ARHGAP24: variants seen among roughly 807,000 people sequenced by gnomAD.
The protein encoded by ARHGAP24 is rho GTPase-activating protein 24.
ARHGAP24 carries 50 observed loss-of-function variants against 76.4 expected under a neutral mutation model. The observed-to-expected ratio is 0.65, with a 90% CI of 0.52 to 0.83. ARHGAP24 has a LOEUF of 0.83. Ranked by LOEUF, ARHGAP24 falls within the 40% of genes least tolerant of loss-of-function variation. ARHGAP24 has a pLI of 0.00. For synonymous variants in ARHGAP24, 345 were observed against 323.3 expected, an observed-to-expected ratio of 1.07 and a Z score of -0.72; for missense variants, 930 against 914.2, an observed-to-expected ratio of 1.02 and a Z score of -0.22.
chr4:85,864,406 A>G (rs1578316272), intron 3 of ARHGAP24, among the ~76,000 whole-genome samples: 3 of 152,102 alleles, frequency 2.0e-5, no homozygotes, highest in Admixed American at 1.3e-4. Context: ...AAATTTTAGT[A>G]TAGCCCTGCC....
intron 2 of ARHGAP24, among the ~76,000 whole-genome samples, chr4:85,581,371 T>A (rs1203795554): frequency 2.0e-5 from 3 of 152,184 alleles, no homozygotes; most frequent in African/African-American, 7.2e-5. Context: ...TACTTAAACA[T>A]GTTTTTCTAG....
At chr4:85,616,484 CTTGT>C (rs749710050) in intron 2 of ARHGAP24, among the ~76,000 whole-genome samples, 7 of 151,962 alleles carry the variant, frequency 4.6e-5, no homozygotes, top group East Asian at 1.9e-4. Flanking sequence ...CTAATATGAT[CTTGT>C]TTGTCTTCAT....
At chr4:85,937,096 T>C (rs1303509395) in intron 4 of ARHGAP24, among the ~76,000 whole-genome samples, 3 of 152,132 alleles carry the variant, frequency 2.0e-5, no homozygotes, top group African/African-American at 7.2e-5. Flanking sequence ...CATGATCCGA[T>C]TGAAATATTA....
chr4:85,664,536 A>G (rs1722534506), intron 2 of ARHGAP24, among the ~76,000 whole-genome samples: 2 of 149,654 alleles, frequency 1.3e-5, no homozygotes, highest in African/African-American at 2.5e-5. Flanking sequence ...GATTTTAGTT[A>G]TTTCTTGCCT....
intron 4 of ARHGAP24, among the ~76,000 whole-genome samples, chr4:85,925,561 A>C (rs1287285786): frequency 6.6e-6 from 1 of 152,246 alleles, no homozygotes; most frequent in African/African-American, 2.4e-5. Context: ...TGAAAGAGAG[A>C]CCATGTTCAC....
At chr4:85,938,916 T>C (rs1736804698) in intron 4 of ARHGAP24, among the ~76,000 whole-genome samples, 1 of 152,048 alleles carries the variant, frequency 6.6e-6, no homozygotes, top group African/African-American at 2.4e-5. Flanking sequence ...GGAATTGAGG[T>C]CAGAAAGCTA....
chr4:85,483,669 GT>G (rs1226967423), intron 1 of ARHGAP24, among the ~76,000 whole-genome samples: 1 of 151,836 alleles, frequency 6.6e-6, no homozygotes, highest in Non-Finnish European at 1.5e-5. Context: ...AATAAAAATT[GT>G]TTCATATGTT....
intron 3 of ARHGAP24, among the ~76,000 whole-genome samples, chr4:85,922,987 C>A (rs1735812276): frequency 6.6e-6 from 1 of 152,152 alleles, no homozygotes; most frequent in South Asian, 2.1e-4. Flanking sequence ...CAAGCTCACC[C>A]TTAGGTGCGA....
At chr4:85,894,343 A>C (rs1361080610) in intron 3 of ARHGAP24, among the ~76,000 whole-genome samples, 1 of 152,114 alleles carries the variant, frequency 6.6e-6, no homozygotes, top group Non-Finnish European at 1.5e-5. Flanking sequence ...CACTATTTAT[A>C]GGGAAGGTAG....
At chr4:85,726,697 A>G (rs1433326438) in intron 3 of ARHGAP24, among the ~76,000 whole-genome samples, 1 of 152,166 alleles carries the variant, frequency 6.6e-6, no homozygotes, top group Non-Finnish European at 1.5e-5. Context: ...AGTATCCGTT[A>G]TAATGTCTGT....
At chr4:85,718,143 GTTC>G (rs1724801477) in intron 2 of ARHGAP24, among the ~76,000 whole-genome samples, 1 of 152,050 alleles carries the variant, frequency 6.6e-6, no homozygotes, top group African/African-American at 2.4e-5. Flanking sequence ...CTTCATGGAT[GTTC>G]TTCATGTTCT....
chr4:85,586,113 CTCTT>C (rs1727846882), intron 2 of ARHGAP24, among the ~76,000 whole-genome samples: 1 of 152,192 alleles, frequency 6.6e-6, no homozygotes, highest in Non-Finnish European at 1.5e-5. Context: ...CTTGTTATCG[CTCTT>C]TCTTTTTTTC....
intron 3 of ARHGAP24, among the ~76,000 whole-genome samples, chr4:85,768,637 G>C (rs1425321536): frequency 6.6e-6 from 1 of 152,110 alleles, no homozygotes; most frequent in African/African-American, 2.4e-5. Context: ...AATTAGCCGG[G>C]TGTGGTGGCG....
At chr4:85,836,787 G>A (rs1730314587) in intron 3 of ARHGAP24, among the ~76,000 whole-genome samples, 1 of 152,192 alleles carries the variant, frequency 6.6e-6, no homozygotes, top group Non-Finnish European at 1.5e-5. Context: ...TCGAAGTGTG[G>A]TCAGTGACTA....
At chr4:85,592,359 A>C (rs1005184545) in intron 2 of ARHGAP24, among the ~76,000 whole-genome samples, 1 of 151,968 alleles carries the variant, frequency 6.6e-6, no homozygotes, top group Non-Finnish European at 1.5e-5. Context: ...GGATTATTAG[A>C]TTTGTCTCTA....
chr4:85,985,337 T>C (rs955497806), intron 8 of ARHGAP24, among the ~76,000 whole-genome samples: 1 of 152,018 alleles, frequency 6.6e-6, no homozygotes, highest in South Asian at 2.1e-4. Context: ...TGCAGGGACA[T>C]GGGTGGAGCT....
chr4:85,995,337 A>C lies in ARHGAP24; in HGVS notation c.1683A>C (p.Glu561Asp), dbSNP rs1186442489. 8 of 1,613,938 alleles carry C rather than the reference A, an allele frequency of 5.0e-6. 1 individual carries two copies. In the East Asian group the frequency reaches 1.8e-4, roughly 36 times the overall value. ...DSATWSTSSC[E>D]ISLPENSNSC... is the part of the protein sequence containing the mutation. ...CTACCTGGTCCACTTCCTCCTGTGA[A>C]ATCTCCCTCCCTGAGAACTCCAACT... The change falls in exon 9 of 10, where the codon GAA becomes GAC. Residue 561 changes from glutamate (E) to aspartate (D), a missense_variant. Coordinates refer to ENST00000395184, the MANE Select transcript of ARHGAP24 (RefSeq NM_001025616.3).
chr4:85,905,711 G>A (rs1408056253), intron 3 of ARHGAP24, among the ~76,000 whole-genome samples: 1 of 152,186 alleles, frequency 6.6e-6, no homozygotes, highest in Non-Finnish European at 1.5e-5. Context: ...CTAAATGCAT[G>A]TGAAGAGCAC....
At chr4:85,854,049 C>T (rs1268406660) in intron 3 of ARHGAP24, among the ~76,000 whole-genome samples, 2 of 147,884 alleles carry the variant, frequency 1.4e-5, no homozygotes, top group East Asian at 2.0e-4. Flanking sequence ...GCAGGAGAAT[C>T]GCTTGAATCT....
Sources: gnomAD v4.1 joint callset for allele counts (sites outside exome capture counted in the v4.1 genomes callset) on GRCh38, gnomAD v4.1.1 for gene constraint, MANE v1.5 for transcripts, NCBI Gene and HGNC (gene_info 2026-07-23, HGNC 2026-07-21) for gene names.